Variants in ANKS1B observed in about 807,000 individuals in gnomAD.
The protein encoded by ANKS1B is ankyrin repeat and sterile alpha motif domain containing 1B, also known as ankyrin repeat and sterile alpha motif domain-containing protein 1B.
ANKS1B carries 36 observed loss-of-function variants against 148.3 expected under a neutral mutation model. That is an observed-to-expected ratio of 0.24 (90% CI 0.19 to 0.32). The LOEUF is 0.32. Ranked by LOEUF, ANKS1B falls within the 10% of genes least tolerant of loss-of-function variation. The pLI is 1.00. For synonymous variants in ANKS1B, 542 were observed against 560.8 expected, an observed-to-expected ratio of 0.97 and a Z score of 0.47; for missense variants, 1,157 against 1,542.6, an observed-to-expected ratio of 0.75 and a Z score of 4.19.
intron 19 of ANKS1B, among the ~76,000 whole-genome samples, chr12:98,827,401 G>A (rs1234532801): frequency 1.3e-5 from 2 of 152,120 alleles, no homozygotes; most frequent in African/African-American, 2.4e-5. Context: ...AGTTCACTAC[G>A]TCCCATCAGC....
At chr12:99,527,354 T>C (rs546352058) in intron 9 of ANKS1B, among the ~76,000 whole-genome samples, 4 of 152,268 alleles carry the variant, frequency 2.6e-5, no homozygotes, top group African/African-American at 7.2e-5. Context: ...AAAAGTGTAA[T>C]AGGTATCAAA....
chr12:98,876,929 G>A (rs1363336533), intron 17 of ANKS1B, among the ~76,000 whole-genome samples: 1 of 152,134 alleles, frequency 6.6e-6, no homozygotes, highest in Admixed American at 6.5e-5. Flanking sequence ...TTTATACCAG[G>A]TATTTAAATC....
At chr12:99,658,469 C>T (rs940581320) in intron 8 of ANKS1B, among the ~76,000 whole-genome samples, 3 of 151,978 alleles carry the variant, frequency 2.0e-5, no homozygotes, top group African/African-American at 7.2e-5. Flanking sequence ...TCCAGATTTC[C>T]CACAAGCATG....
intron 14 of ANKS1B, among the ~76,000 whole-genome samples, chr12:99,179,304 C>G (rs962236667): frequency 6.6e-6 from 1 of 151,876 alleles, no homozygotes; most frequent in Middle Eastern, 3.4e-3. Context: ...TGGCGGGTGC[C>G]TGTAGTCCCA....
intron 6 of ANKS1B, among the ~76,000 whole-genome samples, chr12:99,776,963 G>C (rs957475898): frequency 2.6e-5 from 4 of 152,024 alleles, no homozygotes; most frequent in African/African-American, 9.7e-5. Context: ...GATTACAAGC[G>C]TGAGCCACCG....
At chr12:99,984,074 G>A in intron 1 of ANKS1B, 30 bp downstream of exon 1, 8 of 1,592,888 alleles carry the variant, frequency 5.0e-6, no homozygotes, top group Non-Finnish European at 6.9e-6. Context: ...AATGAGGTGT[G>A]CCAACCCCGG....
At chr12:99,099,153 C>T (rs1315448821) in intron 15 of ANKS1B, among the ~76,000 whole-genome samples, 1 of 151,384 alleles carries the variant, frequency 6.6e-6, no homozygotes, top group African/African-American at 2.4e-5. Flanking sequence ...AGAGGGAGGG[C>T]TTGGGTGGGT....
chr12:99,469,296 G>C (rs1374144462), intron 10 of ANKS1B, among the ~76,000 whole-genome samples: 2 of 117,804 alleles, frequency 1.7e-5, no homozygotes, highest in Non-Finnish European at 1.7e-5. Flanking sequence ...GTTGTGGGGT[G>C]GGGGGAGGGG....
intron 10 of ANKS1B, among the ~76,000 whole-genome samples, chr12:99,450,553 C>T (rs1173182043): frequency 2.6e-4 from 39 of 152,082 alleles, no homozygotes; most frequent in Admixed American, 2.5e-3. Context: ...TATTTTAATA[C>T]ATAGTATAAG....
chr12:99,902,097 G>T (rs900139655), intron 1 of ANKS1B, among the ~76,000 whole-genome samples: 1 of 152,144 alleles, frequency 6.6e-6, no homozygotes, highest in East Asian at 1.9e-4. Flanking sequence ...CGCCATAAAA[G>T]AAATAAATAA....
chr12:99,601,981 G>A (rs2097803707), intron 9 of ANKS1B, among the ~76,000 whole-genome samples: 1 of 152,008 alleles, frequency 6.6e-6, no homozygotes, highest in South Asian at 2.1e-4. Context: ...ACAAAAAGCT[G>A]GGAGAAAGTT....
At chr12:98,987,911 C>T (rs2099924382) in intron 17 of ANKS1B, among the ~76,000 whole-genome samples, 1 of 151,970 alleles carries the variant, frequency 6.6e-6, no homozygotes, top group South Asian at 2.1e-4. Context: ...TTGAGCTATG[C>T]CTAAAGATCT....
Position 99,197,521 on chromosome 12 carries a change from A to G in ANKS1B, c.2420-43126T>C, listed in dbSNP as rs536521057. Among the ~76,000 whole-genome samples the G allele has an allele frequency of 4.6e-5, 7 of 152,304 alleles. No individual in the cohort carries two copies. In the South Asian group the frequency reaches 1.2e-3, roughly 27 times the overall value. Reference sequence around the variant, plus strand: ...AGACAAAAGATACACTGCAGATGTGATTAAGATTAAGGACTTTGAAATGGA... The same window carrying G: ...AGACAAAAGATACACTGCAGATGTGGTTAAGATTAAGGACTTTGAAATGGA... On this transcript the variant is annotated intron_variant, in intron 14 of 26. Coordinates refer to ENST00000683438, the MANE Select transcript of ANKS1B (RefSeq NM_001352186.2).
chr12:99,621,416 T>C lies in ANKS1B; in HGVS notation c.1272+33651A>G, dbSNP rs1490049055. Among the ~76,000 whole-genome samples the C allele has an allele frequency of 2.0e-5, 3 of 149,584 alleles. No homozygotes were observed. The East Asian group carries it at 5.9e-4, about 29-fold the overall frequency. On this transcript the variant is annotated intron_variant, in intron 9 of 26. Transcript: ENST00000683438. ...CATACCAATATTAGTATTGAATATATATTGTCTAAATACCCCCCACTTAAA... is the reference window on the plus strand; with the variant it reads ...CATACCAATATTAGTATTGAATATACATTGTCTAAATACCCCCCACTTAAA...
In ANKS1B at chr12:99,504,761, A is replaced by T; in HGVS notation, c.1273-120T>A. ...TTTCCAAAGTGATTGACAGCTGATG[A>T]TTCATCTGTTTGAATAAATTATAGA... On this transcript the variant is annotated intron_variant, in intron 9 of 26. Coordinates refer to ENST00000683438, the MANE Select transcript of ANKS1B (RefSeq NM_001352186.2). The T allele has an allele frequency of 4.3e-6, 3 of 693,332 alleles. No individual in the cohort carries two copies. The South Asian group carries it at 7.0e-5, about 16-fold the overall frequency. The allele number at this position is 693,332 out of a possible 1,614,324, so 42.9% of individuals were successfully genotyped here.
At chr12:98,884,524 G>A (rs1234404687) in intron 17 of ANKS1B, among the ~76,000 whole-genome samples, 1 of 152,136 alleles carries the variant, frequency 6.6e-6, no homozygotes, top group African/African-American at 2.4e-5. Flanking sequence ...TGGGGGCCGG[G>A]CGCGGTGGCT....
At chr12:99,500,676 C>A (rs1051653435) in intron 10 of ANKS1B, among the ~76,000 whole-genome samples, 9 of 152,096 alleles carry the variant, frequency 5.9e-5, no homozygotes, top group African/African-American at 1.4e-4. Context: ...GTTAAGTACT[C>A]CCCCATTTTT....
At chr12:99,536,001 T>G (rs559731642) in intron 9 of ANKS1B, among the ~76,000 whole-genome samples, 4 of 152,162 alleles carry the variant, frequency 2.6e-5, no homozygotes, top group Non-Finnish European at 5.9e-5. Flanking sequence ...CTAGAGGGCG[T>G]TAAATGGGTT....
At chr12:99,311,033 C>T (rs181790348) in intron 12 of ANKS1B, among the ~76,000 whole-genome samples, 13 of 152,162 alleles carry the variant, frequency 8.5e-5, no homozygotes, top group East Asian at 3.9e-4. Flanking sequence ...CTTAGTAGGA[C>T]GCCTGACCAT....
Sources: allele counts gnomAD v4.1 joint callset (sites outside exome capture counted in the v4.1 genomes callset), GRCh38; gene constraint gnomAD v4.1.1; transcripts MANE v1.5; gene names NCBI Gene and HGNC (gene_info 2026-07-23, HGNC 2026-07-21).